The following RAD51B variants were observed in gnomAD, a reference collection of about 807,000 sequenced individuals.
RAD51B encodes RAD51 paralog B.
Under a neutral mutation model 42.2 loss-of-function variants are expected in RAD51B, and 38 were observed. That is an observed-to-expected ratio of 0.90 (90% CI 0.70 to 1.18). RAD51B has a LOEUF of 1.18. Ranked by LOEUF, RAD51B falls within the 50% of genes most tolerant of loss-of-function variation. RAD51B has a pLI of 0.00. For synonymous variants in RAD51B, 154 were observed against 145.2 expected (o/e 1.06, Z -0.43); for missense variants, 373 against 400.7 (o/e 0.93, Z 0.59).
chr14:67,914,777 A>G (rs1424881483), intron 7 of RAD51B, among the ~76,000 whole-genome samples: 1 of 152,136 alleles, frequency 6.6e-6, no homozygotes, highest in East Asian at 1.9e-4. Flanking sequence ...TGTTGGTTTC[A>G]TGGTCATTTG....
At chr14:68,457,406 G>T (rs1219416950) in intron 9 of RAD51B, among the ~76,000 whole-genome samples, 2 of 152,092 alleles carry the variant, frequency 1.3e-5, no homozygotes, top group Admixed American at 6.5e-5. Flanking sequence ...AGTTAAAGCA[G>T]TAGTTATAGG....
chr14:68,420,053 A>G (rs764544023), intron 9 of RAD51B, among the ~76,000 whole-genome samples: 2 of 152,190 alleles, frequency 1.3e-5, no homozygotes, highest in Non-Finnish European at 2.9e-5. Context: ...AATTCCTCCA[A>G]TAACCCTTCA....
At chr14:68,606,161 T>C (rs10137893) in intron 10 of RAD51B, among the ~76,000 whole-genome samples, 32,551 of 152,156 alleles carry the variant, frequency 0.21, 3,775 homozygotes, top group African/African-American at 0.29. Flanking sequence ...GATTCTAAGG[T>C]GCAGCCTAGG....
rs560131877 is a variant in RAD51B, at chr14:68,575,167, T to C, written c.1037-19318T>C. Among the ~76,000 whole-genome samples the C allele has an allele frequency of 2.0e-5, 3 of 152,346 alleles. No homozygotes were observed. The East Asian group carries it at 5.8e-4, about 29-fold the overall frequency. ...CAGATGGTGCTCCTCAGTGGGAGCT[T>C]CTCAGCCAGGGTTTTCTGTCAAAGA... is the stretch of plus-strand genomic sequence containing the variant. On this transcript the variant is annotated intron_variant, in intron 10 of 10. Coordinates refer to the RAD51B transcript ENST00000487270.
At chr14:68,404,604 A>G (rs1315609766) in intron 8 of RAD51B, among the ~76,000 whole-genome samples, 2 of 152,168 alleles carry the variant, frequency 1.3e-5, no homozygotes, top group East Asian at 3.9e-4. Context: ...ATCACCCTTC[A>G]ATTGCTTTCC....
intron 10 of RAD51B, among the ~76,000 whole-genome samples, chr14:68,483,428 A>G (rs1883358835): frequency 6.6e-6 from 1 of 152,226 alleles, no homozygotes; most frequent in Non-Finnish European, 1.5e-5. Flanking sequence ...AAGAAAGACC[A>G]GTTAACTCTG....
chr14:68,206,009 A>C (rs571576409), intron 7 of RAD51B, among the ~76,000 whole-genome samples: 1 of 152,270 alleles, frequency 6.6e-6, no homozygotes, highest in Admixed American at 6.5e-5. Flanking sequence ...CCAGCATAGG[A>C]TCCAGCATAG....
At chr14:68,238,912 A>G (rs1760377790) in intron 7 of RAD51B, among the ~76,000 whole-genome samples, 1 of 152,196 alleles carries the variant, frequency 6.6e-6, no homozygotes, top group Non-Finnish European at 1.5e-5. Context: ...AGAACTGGTC[A>G]TGATGATATC....
chr14:68,259,898 G>A (rs1177197335), intron 7 of RAD51B, among the ~76,000 whole-genome samples: 3 of 152,092 alleles, frequency 2.0e-5, no homozygotes, highest in East Asian at 1.9e-4. Context: ...CATCTACTCC[G>A]GGCCAGGCAT....
chr14:68,474,865 G>C (rs1391878977), intron 10 of RAD51B, among the ~76,000 whole-genome samples: 1 of 152,236 alleles, frequency 6.6e-6, no homozygotes, highest in Non-Finnish European at 1.5e-5. Flanking sequence ...TAAACTAACA[G>C]TGGTATACAT....
intron 7 of RAD51B, among the ~76,000 whole-genome samples, chr14:68,112,991 T>G (rs529613004): frequency 6.6e-6 from 1 of 152,164 alleles, no homozygotes; most frequent in Admixed American, 6.6e-5. Context: ...TCTGAACTTG[T>G]AAGATTTTGA....
At position 68,330,945 on chromosome 14, in the gene RAD51B, C is replaced by A. The variant is rs186679168; in HGVS notation, c.853+38965C>A. Among the ~76,000 whole-genome samples the A allele has an allele frequency of 3.5e-4, 54 of 152,240 alleles. No individual in the cohort carries two copies. The East Asian group carries it at 9.7e-3, about 27-fold the overall frequency. ...TAGTATGTATGTGGCATATTTCCTA[C>A]TGCAACTTAATTGGCATAATTTTGG... On this transcript the variant is annotated intron_variant, in intron 8 of 10. Coordinates refer to ENST00000471583, the MANE Select transcript of RAD51B (RefSeq NM_133510.4).
chr14:68,038,819 A>G (rs552288559), intron 7 of RAD51B, among the ~76,000 whole-genome samples: 65 of 152,296 alleles, frequency 4.3e-4, no homozygotes, highest in Non-Finnish European at 8.7e-4. Flanking sequence ...TTACAATTAA[A>G]TAAATTATTT....
intron 10 of RAD51B, among the ~76,000 whole-genome samples, chr14:68,630,895 G>A (rs898466407): frequency 6.6e-6 from 1 of 152,132 alleles, no homozygotes; most frequent in Admixed American, 6.5e-5. Context: ...CCTTTGGACT[G>A]TTCAGCAGTG....
At chr14:68,254,857 T>G (rs1413318144) in intron 7 of RAD51B, among the ~76,000 whole-genome samples, 1 of 152,202 alleles carries the variant, frequency 6.6e-6, no homozygotes, top group Non-Finnish European at 1.5e-5. Flanking sequence ...CATTGGGCCT[T>G]GTAAATTACC....
intron 10 of RAD51B, chr14:68,562,932 C>T: frequency 2.0e-6 from 2 of 985,404 alleles, no homozygotes; most frequent in Non-Finnish European, 2.4e-6. Flanking sequence ...AAACATGGAC[C>T]ATGTATTGCT....
intron 7 of RAD51B, among the ~76,000 whole-genome samples, chr14:68,249,538 C>CA (rs574485473): frequency 6.6e-6 from 1 of 151,754 alleles, no homozygotes; most frequent in Non-Finnish European, 1.5e-5. Context: ...TTTTAATCTA[C>CA]AAAAAAAAGT....
chr14:68,481,608 A>G (rs1414153171), downstream of RAD51B, among the ~76,000 whole-genome samples: 1 of 152,236 alleles, frequency 6.6e-6, no homozygotes, highest in Non-Finnish European at 1.5e-5. Context: ...TAATGCTTCC[A>G]GTAATCTTAC....
intron 10 of RAD51B, among the ~76,000 whole-genome samples, chr14:68,550,362 C>T (rs1888473474): frequency 6.6e-6 from 1 of 152,208 alleles, no homozygotes; most frequent in Non-Finnish European, 1.5e-5. Flanking sequence ...ATCTTTCATG[C>T]TAAAGATGCA....
Sources: allele counts gnomAD v4.1 joint callset (sites outside exome capture counted in the v4.1 genomes callset), GRCh38; gene constraint gnomAD v4.1.1; transcripts MANE v1.5; gene names NCBI Gene and HGNC (gene_info 2026-07-23, HGNC 2026-07-21).